Variants in PCDH10 observed in about 807,000 individuals in gnomAD.
PCDH10 encodes the protein protocadherin-10.
Under a neutral mutation model 74.4 loss-of-function variants are expected in PCDH10, and 15 were observed. That is an observed-to-expected ratio of 0.20 (90% CI 0.13 to 0.31). The LOEUF (loss-of-function observed/expected upper bound fraction) is 0.31. Ranked by LOEUF, PCDH10 falls within the 10% of genes least tolerant of loss-of-function variation. The probability of loss-of-function intolerance (pLI) is 1.00; values close to 1 mark genes in which losing one functional copy is unlikely to be tolerated. For synonymous variants in PCDH10, 619 were observed against 589.8 expected (o/e 1.05, Z -0.72); for missense variants, 1,260 against 1,390.2 (o/e 0.91, Z 1.49).
intron 4 of PCDH10, among the ~76,000 whole-genome samples, chr4:133,176,538 T>C (rs1298241898): frequency 6.6e-6 from 1 of 152,162 alleles, no homozygotes; most frequent in African/African-American, 2.4e-5. Context: ...GAACTAATTA[T>C]GCTCTCTTTT....
At position 133,151,032 on chromosome 4, in the gene PCDH10, C is replaced by G; in HGVS notation, c.892C>G (p.Arg298Gly). Reference sequence around the variant, plus strand: ...CAGCAGCCACATTTCGCCCCGGGCGCGGGAGCTTTTCGGACTCTCGCCGCG... The same window carrying G: ...CAGCAGCCACATTTCGCCCCGGGCGGGGGAGCTTTTCGGACTCTCGCCGCG... ...SFSSHISPRA[R>G]ELFGLSPRTG... The change falls in exon 1 of 5, where the codon CGG becomes GGG. Residue 298 changes from arginine (R) to glycine (G), a missense_variant. Around this residue, in one of 11 missense-constraint regions of PCDH10, gnomAD observed 192 missense variants for 161.2 expected, o/e 1.19. Coordinates refer to ENST00000264360, the MANE Select transcript of PCDH10 (RefSeq NM_032961.3). 1 of 1,613,894 alleles carries G rather than the reference C, an allele frequency of 6.2e-7. No homozygotes were observed. Among genetic ancestry groups the G allele is most frequent in the Non-Finnish European group, 8.5e-7 (1 of 1,180,032 alleles).
chr4:133,163,319 C>T lies in PCDH10; in HGVS notation c.3103+37C>T, dbSNP rs761329140. ...ACAAAGGGCTCTGTTAAAGTGTTCC[C>T]TTTGAGGAGATAAAGTTCAACATTC... On this transcript the variant is annotated intron_variant, in intron 4 of 4. Coordinates refer to ENST00000264360, the MANE Select transcript of PCDH10 (RefSeq NM_032961.3). 7 of 1,503,478 alleles carry T rather than the reference C, an allele frequency of 4.7e-6. No individual in the cohort carries two copies. The Admixed American group carries it at 6.4e-5, about 14-fold the overall frequency. The allele number at this position is 1,503,478 out of a possible 1,614,324, so 93.1% of individuals were successfully genotyped here.
chr4:133,159,228 G>T (rs1258317252), intron 3 of PCDH10, among the ~76,000 whole-genome samples: 1 of 151,976 alleles, frequency 6.6e-6, no homozygotes, highest in Admixed American at 6.6e-5. Flanking sequence ...AGCACAAATT[G>T]AATTCTAAAA....
chr4:133,153,138 G>C, intron 1 of PCDH10: 1 of 1,217,876 alleles, frequency 8.2e-7, no homozygotes, highest in Non-Finnish European at 1.0e-6. Flanking sequence ...CACTGGCAAA[G>C]GTCTTTTTTC....
chr4:133,174,935 G>A (rs980033906), intron 4 of PCDH10, among the ~76,000 whole-genome samples: 2 of 149,928 alleles, frequency 1.3e-5, no homozygotes, highest in African/African-American at 2.4e-5. Context: ...GCCTCTCACA[G>A]TTAAAATTGA....
chr4:133,161,010 G>A (rs1308733996), intron 3 of PCDH10, among the ~76,000 whole-genome samples: 2 of 151,894 alleles, frequency 1.3e-5, no homozygotes, highest in African/African-American at 4.8e-5. Context: ...TGTGTATCAG[G>A]GACATTCTAG....
downstream of PCDH10, among the ~76,000 whole-genome samples, chr4:133,198,208 A>G (rs566451679): frequency 2.6e-5 from 4 of 152,222 alleles, no homozygotes; most frequent in South Asian, 8.3e-4. Flanking sequence ...TTATTTTAAC[A>G]TTGCGTGAAA....
chr4:133,163,886 G>A, intron 4 of PCDH10: 2 of 438,762 alleles, frequency 4.6e-6, no homozygotes, highest in Non-Finnish European at 9.0e-6. Flanking sequence ...AAACTTAAAG[G>A]AAAAAAACAG....
At chr4:133,177,457 TG>T (rs768273195) in intron 4 of PCDH10, among the ~76,000 whole-genome samples, 15 of 152,162 alleles carry the variant, frequency 9.9e-5, no homozygotes, top group Non-Finnish European at 1.6e-4. Flanking sequence ...GTAATTCTCA[TG>T]TTTTTTTGAT....
intron 4 of PCDH10, among the ~76,000 whole-genome samples, chr4:133,170,086 G>T (rs981862531): frequency 3.9e-5 from 6 of 152,042 alleles, no homozygotes; most frequent in Non-Finnish European, 8.8e-5. Context: ...GGTGAGGAGA[G>T]TGTAGGAAAT....
intron 2 of PCDH10, among the ~76,000 whole-genome samples, chr4:133,200,078 G>A (rs538512108): frequency 2.6e-5 from 4 of 151,794 alleles, no homozygotes; most frequent in Admixed American, 2.6e-4. Flanking sequence ...GATTACAGGC[G>A]TGAGCCACCG....
chr4:133,200,418 G>A (rs1727881244), intron 2 of PCDH10, among the ~76,000 whole-genome samples: 1 of 151,504 alleles, frequency 6.6e-6, no homozygotes, highest in Admixed American at 6.6e-5. Context: ...TAAAGATAAA[G>A]AAAATGTTAA....
At chr4:133,166,650 T>C (rs973177658) in intron 4 of PCDH10, among the ~76,000 whole-genome samples, 12 of 151,614 alleles carry the variant, frequency 7.9e-5, no homozygotes, top group Admixed American at 7.9e-4. Flanking sequence ...TTCCTGCTTA[T>C]GATTTTGGCT....
intron 4 of PCDH10, among the ~76,000 whole-genome samples, chr4:133,174,535 T>C (rs992193067): frequency 6.6e-6 from 1 of 151,740 alleles, no homozygotes; most frequent in Non-Finnish European, 1.5e-5. Flanking sequence ...CTTTTGTAAA[T>C]TGTTACAAGG....
intron 1 of PCDH10, chr4:133,153,669 G>A (rs1726792997): frequency 6.7e-6 from 1 of 150,138 alleles, no homozygotes; most frequent in South Asian, 2.1e-4. Flanking sequence ...GGAAAGGTGT[G>A]TGGGTGGTAG....
At chr4:133,172,489 G>A (rs938918642) in intron 4 of PCDH10, among the ~76,000 whole-genome samples, 1 of 151,746 alleles carries the variant, frequency 6.6e-6, no homozygotes, top group Non-Finnish European at 1.5e-5. Flanking sequence ...TATAACTCAA[G>A]AAATGTTTAC....
chr4:133,153,154 G>C, intron 1 of PCDH10: 4 of 1,175,032 alleles, frequency 3.4e-6, no homozygotes, highest in Non-Finnish European at 3.2e-6. Context: ...TTTTCTTTGC[G>C]TCTGTCCCAG....
intron 4 of PCDH10, among the ~76,000 whole-genome samples, chr4:133,178,902 TG>T (rs1727351373): frequency 1.4e-5 from 2 of 144,718 alleles, no homozygotes; most frequent in South Asian, 2.3e-4. Context: ...CTTCATTAAA[TG>T]TTATGGAAAA....
At chr4:133,205,971 C>A (rs1467537761) in intron 2 of PCDH10, among the ~76,000 whole-genome samples, 2 of 152,072 alleles carry the variant, frequency 1.3e-5, no homozygotes, top group Non-Finnish European at 2.9e-5. Context: ...TCTTATGATA[C>A]TTGGCTGTCA....
Sources: gnomAD v4.1 joint callset for allele counts (sites outside exome capture counted in the v4.1 genomes callset) on GRCh38, gnomAD v4.1.1 for gene constraint, gnomAD v4.1.1 regional missense constraint, MANE v1.5 for transcripts, NCBI Gene and HGNC (gene_info 2026-07-23, HGNC 2026-07-21) for gene names.